ZNF804B: variants seen among roughly 807,000 people sequenced by gnomAD.
The protein encoded by ZNF804B is zinc finger protein 804B.
Under a neutral mutation model 101.4 loss-of-function variants are expected in ZNF804B, and 80 were observed. The observed-to-expected ratio is 0.79, with a 90% CI of 0.66 to 0.95. ZNF804B has a LOEUF of 0.95. Among genes scored for constraint, ZNF804B ranks in the 40% least tolerant of loss-of-function variants. The probability of loss-of-function intolerance (pLI) is 0.00; values close to 1 mark genes in which losing one functional copy is unlikely to be tolerated. For synonymous variants in ZNF804B, 622 were observed against 558.8 expected (o/e 1.11, Z -1.59); for missense variants, 1,673 against 1,561.9 (o/e 1.07, Z -1.20).
At chr7:88,999,339 CTAGTA>C (rs1304103232) in intron 1 of ZNF804B, among the ~76,000 whole-genome samples, 3 of 151,848 alleles carry the variant, frequency 2.0e-5, no homozygotes, top group African/African-American at 7.3e-5. Context: ...AGTCTGAAGA[CTAGTA>C]TAGTTAGTGA....
intron 1 of ZNF804B, among the ~76,000 whole-genome samples, chr7:88,787,078 T>A (rs1790313731): frequency 6.6e-6 from 1 of 151,996 alleles, no homozygotes; most frequent in Non-Finnish European, 1.5e-5. Flanking sequence ...AGAATTTTGC[T>A]AAGAGAAGTG....
chr7:88,908,002 T>C (rs1792497587), intron 1 of ZNF804B, among the ~76,000 whole-genome samples: 1 of 151,880 alleles, frequency 6.6e-6, no homozygotes, highest in African/African-American at 2.4e-5. Flanking sequence ...CAAGCATTCT[T>C]GCTGAGATTC....
At chr7:89,274,263 A>T (rs1199986835) in intron 2 of ZNF804B, among the ~76,000 whole-genome samples, 1 of 137,600 alleles carries the variant, frequency 7.3e-6, no homozygotes, top group African/African-American at 2.8e-5. Flanking sequence ...GCACCCACTA[A>T]CTCGTCATCT....
intron 1 of ZNF804B, among the ~76,000 whole-genome samples, chr7:88,953,341 A>G (rs927069592): frequency 2.0e-5 from 3 of 151,698 alleles, no homozygotes; most frequent in Non-Finnish European, 4.4e-5. Context: ...TCCCTGCTCT[A>G]ATGTCACTTT....
At chr7:88,969,535 T>G (rs984172792) in intron 1 of ZNF804B, among the ~76,000 whole-genome samples, 4 of 151,670 alleles carry the variant, frequency 2.6e-5, no homozygotes, top group Admixed American at 2.6e-4. Context: ...GTGATGACAT[T>G]TTTTTCTTCC....
intron 1 of ZNF804B, among the ~76,000 whole-genome samples, chr7:88,798,410 G>C (rs570244638): frequency 6.6e-6 from 1 of 152,082 alleles, no homozygotes; most frequent in South Asian, 2.1e-4. Context: ...TTGTTATCTT[G>C]AAAAACATAT....
chr7:88,760,058 C>G lies in ZNF804B; in HGVS notation c.82C>G (p.Leu28Val). ...RGIKGVFRGP[L>V]CKNGSPSPDF... Reference sequence around the variant, plus strand: ...CATTAAAGGAGTCTTCAGGGGACCCCTGTGCAAGAACGGATCTCCCTCTCC... The same window carrying G: ...CATTAAAGGAGTCTTCAGGGGACCCGTGTGCAAGAACGGATCTCCCTCTCC... The change falls in exon 1 of 4, where the codon CTG (leucine) becomes GTG (valine). Residue 28 changes from leucine to valine, a missense_variant. Transcript: ENST00000333190. 6.2e-7 allele frequency: 1 copy of G among 1,614,214 alleles called. No individual in the cohort carries two copies. Among genetic ancestry groups the G allele is most frequent in the Non-Finnish European group, 8.5e-7 (1 of 1,180,028 alleles).
intron 2 of ZNF804B, among the ~76,000 whole-genome samples, chr7:89,286,515 C>T (rs1343746716): frequency 6.6e-6 from 1 of 152,130 alleles, no homozygotes; most frequent in Non-Finnish European, 1.5e-5. Flanking sequence ...CAAGAAATGA[C>T]AAAATAGACT....
Position 89,054,356 on chromosome 7 carries a change from A to G in ZNF804B, c.109-163799A>G, listed in dbSNP as rs1187204350. 1.2e-4 allele frequency among the ~76,000 whole-genome samples: 18 copies of G among 149,730 alleles called. No individual in the cohort carries two copies. In the East Asian group the frequency reaches 2.9e-3, roughly 24 times the overall value. On this transcript the variant is annotated intron_variant, in intron 1 of 3. Transcript: ENST00000333190. ...ATTTGAAACCTTATATATTCTTACT[A>G]TATATGAATAAAACACTTTCTGGAG...
chr7:89,074,285 A>C (rs1789583895), intron 1 of ZNF804B, among the ~76,000 whole-genome samples: 1 of 152,184 alleles, frequency 6.6e-6, no homozygotes, highest in African/African-American at 2.4e-5. Context: ...CAAATGAAAA[A>C]ATCAATAATA....
At chr7:89,299,983 A>G (rs1270822324) in intron 2 of ZNF804B, among the ~76,000 whole-genome samples, 1 of 151,870 alleles carries the variant, frequency 6.6e-6, no homozygotes. Flanking sequence ...CCAACAATTA[A>G]TTCTGCTGCT....
chr7:89,080,356 A>G (rs1455923255), intron 1 of ZNF804B, among the ~76,000 whole-genome samples: 2 of 151,960 alleles, frequency 1.3e-5, no homozygotes, highest in Non-Finnish European at 2.9e-5. Context: ...AACATATTAT[A>G]AAAATTAAAT....
intron 2 of ZNF804B, among the ~76,000 whole-genome samples, chr7:89,278,314 G>T (rs1402478790): frequency 1.3e-5 from 2 of 151,804 alleles, no homozygotes; most frequent in Non-Finnish European, 2.9e-5. Flanking sequence ...TGTTCACTCT[G>T]CTGGTAGTTT....
At chr7:89,182,991 A>G (rs1322333567) in intron 1 of ZNF804B, among the ~76,000 whole-genome samples, 4 of 152,246 alleles carry the variant, frequency 2.6e-5, no homozygotes, top group Non-Finnish European at 5.9e-5. Context: ...TGCAAGGAAG[A>G]AATTAAGAAA....
intron 1 of ZNF804B, among the ~76,000 whole-genome samples, chr7:89,026,085 A>G (rs1444887095): frequency 6.6e-6 from 1 of 152,082 alleles, no homozygotes; most frequent in Non-Finnish European, 1.5e-5. Context: ...CCTTCAACAA[A>G]TGTGCATTAA....
chr7:88,769,273 A>AT (rs1188495981), intron 1 of ZNF804B, among the ~76,000 whole-genome samples: 1 of 152,082 alleles, frequency 6.6e-6, no homozygotes, highest in Admixed American at 6.6e-5. Flanking sequence ...TCCATAGAGA[A>AT]TTTTTTCCCC....
chr7:89,190,891 C>A (rs1172754986), intron 1 of ZNF804B, among the ~76,000 whole-genome samples: 1 of 152,020 alleles, frequency 6.6e-6, no homozygotes, highest in Non-Finnish European at 1.5e-5. Context: ...ATGCCAGGTA[C>A]CTTGCTTTAT....
At chr7:89,265,519 A>G (rs934204595) in intron 2 of ZNF804B, among the ~76,000 whole-genome samples, 1 of 152,200 alleles carries the variant, frequency 6.6e-6, no homozygotes, top group African/African-American at 2.4e-5. Flanking sequence ...AAATTAGTTA[A>G]AGCCATTTGT....
intron 1 of ZNF804B, among the ~76,000 whole-genome samples, chr7:88,798,353 C>CTCT (rs1348315034): frequency 6.6e-6 from 1 of 152,012 alleles, no homozygotes; most frequent in African/African-American, 2.4e-5. Context: ...ATCAACTAAG[C>CTCT]TCTCCTTTCT....
Sources: allele counts gnomAD v4.1 joint callset (sites outside exome capture counted in the v4.1 genomes callset), GRCh38; gene constraint gnomAD v4.1.1; transcripts MANE v1.5; gene names NCBI Gene and HGNC (gene_info 2026-07-23, HGNC 2026-07-21).